INPP4B: variants seen among roughly 807,000 people sequenced by gnomAD.
INPP4B encodes inositol polyphosphate 4-phosphatase type II.
A neutral mutation model predicts 122.5 loss-of-function variants in INPP4B; 55 were observed. That is an observed-to-expected ratio of 0.45 (90% confidence interval 0.36 to 0.56). The LOEUF (loss-of-function observed/expected upper bound fraction) is 0.56. Among genes scored for constraint, INPP4B ranks in the 20% least tolerant of loss-of-function variants. The probability of loss-of-function intolerance (pLI) is 0.00; values close to 1 mark genes in which losing one functional copy is unlikely to be tolerated. For missense variants in INPP4B, 1,000 were observed against 1,097.7 expected (o/e 0.91, Z 1.26); for synonymous variants, 403 against 388.7 (o/e 1.04, Z -0.43).
intron 3 of INPP4B, among the ~76,000 whole-genome samples, chr4:142,445,120 A>T (rs1307444611): frequency 6.6e-6 from 1 of 152,148 alleles, no homozygotes; most frequent in East Asian, 1.9e-4. Context: ...ACCATGGCAC[A>T]TGTATACCTA....
At chr4:142,698,839 C>G (rs1761348508) in intron 2 of INPP4B, among the ~76,000 whole-genome samples, 1 of 152,272 alleles carries the variant, frequency 6.6e-6, no homozygotes, top group Middle Eastern at 3.4e-3. Flanking sequence ...CTGCTAAGAA[C>G]TTATCATTTG....
At chr4:142,362,756 G>A (rs955515947) in intron 7 of INPP4B, among the ~76,000 whole-genome samples, 3 of 151,980 alleles carry the variant, frequency 2.0e-5, no homozygotes, top group African/African-American at 4.8e-5. Flanking sequence ...AATATCACAT[G>A]TTCTCACTCA....
chr4:142,061,525 G>T (rs1218600147), intron 25 of INPP4B, among the ~76,000 whole-genome samples: 1 of 152,024 alleles, frequency 6.6e-6, no homozygotes. Context: ...AAAGTATATA[G>T]TCTGACATAT....
chr4:142,279,138 A>C (rs1750016561), intron 9 of INPP4B, among the ~76,000 whole-genome samples: 1 of 152,006 alleles, frequency 6.6e-6, no homozygotes, highest in Admixed American at 6.6e-5. Context: ...ATACTAATAA[A>C]AAATTCAAAG....
At chr4:142,175,150 T>A (rs1351509425) in intron 15 of INPP4B, among the ~76,000 whole-genome samples, 13 of 152,122 alleles carry the variant, frequency 8.5e-5, no homozygotes, top group Admixed American at 7.9e-4. Context: ...TGTCAAGACA[T>A]TTTTTCAAAA....
intron 7 of INPP4B, among the ~76,000 whole-genome samples, chr4:142,366,702 G>C (rs1368281658): frequency 2.0e-5 from 3 of 152,046 alleles, no homozygotes; most frequent in Non-Finnish European, 4.4e-5. Context: ...CAATGTGTTG[G>C]GGATTGCTCT....
intron 1 of INPP4B, among the ~76,000 whole-genome samples, chr4:142,831,966 C>G (rs1561119965): frequency 1.3e-5 from 2 of 152,142 alleles, no homozygotes; most frequent in Admixed American, 1.3e-4. Context: ...TTAGCACCAT[C>G]CAGCGTAAAC....
rs577270192 is a variant in INPP4B, at chr4:142,845,846, G to A, written c.-254+363C>T. 2.6e-5 allele frequency among the ~76,000 whole-genome samples: 4 copies of A among 152,242 alleles called. No homozygotes were observed. In the East Asian group the frequency reaches 7.8e-4, roughly 30 times the overall value. On this transcript the variant is annotated intron_variant, in intron 1 of 25. Transcript: ENST00000262992. ...GACAGCGCAGGTGGGCGCAGCCTTGGAAGGTCAGCGAGGCCAGAGCTCAGA... is the reference window on the plus strand; with the variant it reads ...GACAGCGCAGGTGGGCGCAGCCTTGAAAGGTCAGCGAGGCCAGAGCTCAGA...
chr4:142,769,732 T>C (rs775270998), intron 1 of INPP4B, among the ~76,000 whole-genome samples: 11 of 151,940 alleles, frequency 7.2e-5, no homozygotes, highest in Non-Finnish European at 1.3e-4. Context: ...TTGGCCAACA[T>C]GGTAAAACCC....
chr4:142,144,521 C>T (rs1809641991), intron 18 of INPP4B, among the ~76,000 whole-genome samples: 1 of 151,946 alleles, frequency 6.6e-6, no homozygotes, highest in South Asian at 2.1e-4. Flanking sequence ...TATGCTATTT[C>T]TTCATGACAT....
intron 8 of INPP4B, chr4:142,305,756 C>T (rs1472149754): frequency 5.8e-6 from 8 of 1,369,368 alleles, no homozygotes; most frequent in Non-Finnish European, 7.6e-6. Context: ...AGAAAAGAGA[C>T]CAACAGGCTA....
chr4:142,134,187 G>A lies in INPP4B; in HGVS notation c.1721-9427C>T, dbSNP rs117630626. 1.6e-4 allele frequency among the ~76,000 whole-genome samples: 25 copies of A among 152,196 alleles called. No individual in the cohort carries two copies. The East Asian group carries it at 4.4e-3, about 27-fold the overall frequency. Reference sequence around the variant, plus strand: ...AAATTAATATCACCTTTAAAAACGTGGCATCCTTTTTATTACCATAAAACT... The same window carrying A: ...AAATTAATATCACCTTTAAAAACGTAGCATCCTTTTTATTACCATAAAACT... On this transcript the variant is annotated intron_variant, in intron 18 of 25. Transcript: ENST00000262992.
At chr4:142,806,825 A>AAGAAAGAAAG (rs1335180568) in intron 1 of INPP4B, among the ~76,000 whole-genome samples, 2 of 150,490 alleles carry the variant, frequency 1.3e-5, no homozygotes, top group Non-Finnish European at 3.0e-5. Flanking sequence ...GAAAGAAAGA[A>AAGAAAGAAAG]AGAAAGAAAG....
chr4:142,521,465 A>G (rs1197360202), intron 2 of INPP4B, among the ~76,000 whole-genome samples: 1 of 152,076 alleles, frequency 6.6e-6, no homozygotes, highest in Admixed American at 6.6e-5. Context: ...AGCCATAAAA[A>G]ATTTCAAAAA....
At chr4:142,188,331 C>CA (rs1410206274) in intron 15 of INPP4B, among the ~76,000 whole-genome samples, 6 of 150,344 alleles carry the variant, frequency 4.0e-5, no homozygotes, top group Non-Finnish European at 5.9e-5. Context: ...ACTAAAAATA[C>CA]AAAAAATTAG....
intron 1 of INPP4B, among the ~76,000 whole-genome samples, chr4:142,795,834 T>A (rs1030555259): frequency 6.6e-5 from 10 of 151,998 alleles, no homozygotes; most frequent in African/African-American, 2.4e-4. Context: ...GTACCTTTAA[T>A]CAACTACCTT....
rs1796255514 is a variant in INPP4B at position 142,387,262 on chromosome 4, T to C, written c.372+15676A>G. On this transcript the variant is annotated intron_variant, in intron 7 of 25. Transcript: ENST00000262992. ...CTTTGTTTCATTTTTCTTGCATGCTTAGGTAGGAAATGTCATTGGCTAAGT... is the reference window on the plus strand; with the variant it reads ...CTTTGTTTCATTTTTCTTGCATGCTCAGGTAGGAAATGTCATTGGCTAAGT... Among the ~76,000 whole-genome samples, 9 of 152,136 alleles carry C rather than the reference T, an allele frequency of 5.9e-5. No homozygotes were observed. In the South Asian group the frequency reaches 1.9e-3, roughly 32 times the overall value.
intron 2 of INPP4B, among the ~76,000 whole-genome samples, chr4:142,600,189 C>T (rs1212935736): frequency 1.3e-5 from 2 of 152,042 alleles, no homozygotes; most frequent in African/African-American, 4.8e-5. Flanking sequence ...AGACACAATG[C>T]CACAAATCTT....
intron 2 of INPP4B, among the ~76,000 whole-genome samples, chr4:142,476,590 C>T (rs1274592336): frequency 6.6e-6 from 1 of 152,024 alleles, no homozygotes; most frequent in Non-Finnish European, 1.5e-5. Context: ...GCAGTGACAC[C>T]CATAAGCTCA....
Sources: allele counts gnomAD v4.1 joint callset (sites outside exome capture counted in the v4.1 genomes callset), GRCh38; gene constraint gnomAD v4.1.1; transcripts MANE v1.5; gene names NCBI Gene and HGNC (gene_info 2026-07-23, HGNC 2026-07-21).